Variants in ST6GALNAC5 observed in about 807,000 individuals in gnomAD.
The protein encoded by ST6GALNAC5 is ST6 N-acetylgalactosaminide alpha-2,6-sialyltransferase 5.
A neutral mutation model predicts 33.6 loss-of-function variants in ST6GALNAC5; 27 were observed. The ratio of observed to expected loss-of-function variants is 0.80; its 90% CI spans 0.59 to 1.11. The LOEUF (loss-of-function observed/expected upper bound fraction) is 1.11. Ranked by LOEUF, ST6GALNAC5 falls within the 50% of genes least tolerant of loss-of-function variation. The pLI is 0.00. For missense variants in ST6GALNAC5, 428 were observed against 454.0 expected, an observed-to-expected ratio of 0.94 and a Z score of 0.52; for synonymous variants, 194 against 171.2, an observed-to-expected ratio of 1.13 and a Z score of -1.04.
chr1:77,051,052 T>G (rs560703110), intron 4 of ST6GALNAC5, among the ~76,000 whole-genome samples: 1 of 152,356 alleles, frequency 6.6e-6, no homozygotes, highest in African/African-American at 2.4e-5. Flanking sequence ...CCCTAGTTTT[T>G]GGGAACGCCT....
At chr1:76,990,755 A>G (rs1159109453) in intron 2 of ST6GALNAC5, among the ~76,000 whole-genome samples, 1 of 152,140 alleles carries the variant, frequency 6.6e-6, no homozygotes, top group Non-Finnish European at 1.5e-5. Context: ...GCAGACTCAA[A>G]CTGGGTGATT....
At position 76,878,817 on chromosome 1, in the gene ST6GALNAC5, T is replaced by C. The variant is rs6682249; in HGVS notation, c.261+10075T>C. Among the ~76,000 whole-genome samples, 805 of 152,274 alleles carry C rather than the reference T, an allele frequency of 5.3e-3. 9 individuals carry two copies. The highest frequency in any genetic ancestry group is 0.018 in the African/African-American group (764 of 41,526). On this transcript the variant is annotated intron_variant, in intron 2 of 4. Coordinates refer to ENST00000477717, the MANE Select transcript of ST6GALNAC5 (RefSeq NM_030965.3). ...AGAAATGCAGTAGGCTTCTTATCAA[T>C]TTCACTTCTAGGAACACCATGATTA...
chr1:76,878,423 A>G (rs972579082), intron 2 of ST6GALNAC5, among the ~76,000 whole-genome samples: 2 of 152,106 alleles, frequency 1.3e-5, no homozygotes, highest in African/African-American at 4.8e-5. Context: ...GACCTCCATA[A>G]GCCCCTACTT....
chr1:77,028,356 A>G lies in ST6GALNAC5; in HGVS notation c.262-15848A>G, dbSNP rs1570113598. On this transcript the variant is annotated intron_variant, in intron 2 of 4. Transcript: ENST00000477717. ...GAAAATCTCACTGGAGGTTGGAAAA[A>G]TGATCAGAGCCTCTTCAAAACTTCA... Among the ~76,000 whole-genome samples, 3 of 152,334 alleles carry G rather than the reference A, an allele frequency of 2.0e-5. No homozygotes were observed. In the South Asian group the frequency reaches 6.2e-4, roughly 32 times the overall value.
chr1:76,901,089 T>C (rs199506890), intron 2 of ST6GALNAC5, among the ~76,000 whole-genome samples: 3 of 152,218 alleles, frequency 2.0e-5, no homozygotes, highest in Non-Finnish European at 4.4e-5. Flanking sequence ...GATGGAATAG[T>C]TGCAATAAGT....
intron 2 of ST6GALNAC5, among the ~76,000 whole-genome samples, chr1:77,002,198 T>A (rs1412776297): frequency 6.6e-6 from 1 of 152,220 alleles, no homozygotes; most frequent in Non-Finnish European, 1.5e-5. Flanking sequence ...GAGATTCAAT[T>A]TCTTCCTGGT....
intron 2 of ST6GALNAC5, among the ~76,000 whole-genome samples, chr1:76,976,575 T>C (rs1378938084): frequency 6.6e-6 from 1 of 152,180 alleles, no homozygotes; most frequent in Non-Finnish European, 1.5e-5. Flanking sequence ...ATTGAAGAGA[T>C]AGAGATTGTA....
intron 2 of ST6GALNAC5, among the ~76,000 whole-genome samples, chr1:77,023,279 G>A (rs577360954): frequency 6.6e-6 from 1 of 152,226 alleles, no homozygotes; most frequent in East Asian, 1.9e-4. Context: ...AATACATTGG[G>A]GATTTCTCCT....
chr1:77,043,585 C>G (rs1159694543), intron 2 of ST6GALNAC5, among the ~76,000 whole-genome samples: 1 of 152,168 alleles, frequency 6.6e-6, no homozygotes, highest in African/African-American at 2.4e-5. Context: ...AAAATTATGG[C>G]CTCTAAGGGG....
At chr1:76,875,678 T>C (rs1254038788) in intron 2 of ST6GALNAC5, among the ~76,000 whole-genome samples, 1 of 152,146 alleles carries the variant, frequency 6.6e-6, no homozygotes, top group Non-Finnish European at 1.5e-5. Context: ...AGTGGATCAC[T>C]AGGGGTGATG....
At chr1:77,027,021 G>C (rs142831492) in intron 2 of ST6GALNAC5, among the ~76,000 whole-genome samples, 1 of 152,168 alleles carries the variant, frequency 6.6e-6, no homozygotes, top group East Asian at 1.9e-4. Flanking sequence ...GGGAGTCTGG[G>C]AGAGGTGGTG....
chr1:76,876,263 T>C (rs2100916348), intron 2 of ST6GALNAC5, among the ~76,000 whole-genome samples: 1 of 152,280 alleles, frequency 6.6e-6, no homozygotes, highest in Non-Finnish European at 1.5e-5. Context: ...TGCTGTCAAG[T>C]TGGGCACTCA....
chr1:77,017,321 A>T (rs1252689240), intron 2 of ST6GALNAC5, among the ~76,000 whole-genome samples: 2 of 152,174 alleles, frequency 1.3e-5, no homozygotes, highest in Non-Finnish European at 2.9e-5. Flanking sequence ...AAGATGACAG[A>T]CAGTCTTACT....
chr1:77,057,042 G>T (rs1193722206), intron 4 of ST6GALNAC5, among the ~76,000 whole-genome samples: 1 of 152,208 alleles, frequency 6.6e-6, no homozygotes, highest in East Asian at 1.9e-4. Flanking sequence ...CAAGCCAATT[G>T]CAGAACAACC....
chr1:77,004,735 T>C (rs1650324539), intron 2 of ST6GALNAC5, among the ~76,000 whole-genome samples: 1 of 122,436 alleles, frequency 8.2e-6, no homozygotes, highest in African/African-American at 2.5e-5. Context: ...TGCAGGTCTG[T>C]TGGAATACCC....
chr1:76,938,772 C>T (rs1269558518), intron 2 of ST6GALNAC5, among the ~76,000 whole-genome samples: 1 of 152,128 alleles, frequency 6.6e-6, no homozygotes, highest in African/African-American at 2.4e-5. Context: ...TTTTTGCAGG[C>T]TATTTCTGCT....
At chr1:76,953,131 G>C (rs944023437) in intron 2 of ST6GALNAC5, among the ~76,000 whole-genome samples, 1 of 152,130 alleles carries the variant, frequency 6.6e-6, no homozygotes, top group Admixed American at 6.6e-5. Context: ...GTTATGGATA[G>C]AGCTGCCATA....
chr1:77,008,736 G>A (rs1381667812), intron 2 of ST6GALNAC5, among the ~76,000 whole-genome samples: 1 of 152,076 alleles, frequency 6.6e-6, no homozygotes, highest in Non-Finnish European at 1.5e-5. Flanking sequence ...CACCATGTTG[G>A]TCAGGCTGGT....
intron 2 of ST6GALNAC5, among the ~76,000 whole-genome samples, chr1:76,904,198 T>C (rs1331280447): frequency 6.6e-6 from 1 of 152,050 alleles, no homozygotes; most frequent in Non-Finnish European, 1.5e-5. Flanking sequence ...AGATGCCAGA[T>C]GGTAAGAAGG....
Sources: allele counts gnomAD v4.1 joint callset (sites outside exome capture counted in the v4.1 genomes callset), GRCh38; gene constraint gnomAD v4.1.1; transcripts MANE v1.5; gene names NCBI Gene and HGNC (gene_info 2026-07-23, HGNC 2026-07-21).